Variants in AK7 observed in about 807,000 individuals in gnomAD.
AK7 encodes ATP-AMP transphosphorylase 7.
In AK7, 78 loss-of-function variants were observed where a neutral mutation model predicts 96.6. The observed-to-expected ratio is 0.81, with a 90% CI of 0.67 to 0.97. The LOEUF is 0.97. Ranked by LOEUF, AK7 falls within the 50% of genes least tolerant of loss-of-function variation. AK7 has a pLI of 0.00. For missense variants in AK7, 855 were observed against 887.9 expected (o/e 0.96, Z 0.47); for synonymous variants, 302 against 317.2 (o/e 0.95, Z 0.51).
chr14:96,478,617 G>T lies in AK7; in HGVS notation c.1708G>T (p.Val570Phe). Residue 570 changes from valine to phenylalanine, a missense_variant, in exon 15 of 18, where the codon GTC becomes TTC. By Grantham distance (50) the Val-to-Phe change is conservative. Coordinates refer to ENST00000267584, the MANE Select transcript of AK7 (RefSeq NM_152327.5). ...YRDINIDDETVFNYFDELEIH... is the reference protein window; with the variant it reads ...YRDINIDDETFFNYFDELEIH... ...GGACATCAATATCGACGATGAGACT[G>T]TCTTCAACTATTTTGATGAACTTGA... 2 of 1,614,150 alleles carry T rather than the reference G, an allele frequency of 1.2e-6. No homozygotes were observed. The highest frequency in any genetic ancestry group is 4.5e-5 in the East Asian group (2 of 44,878).
At chr14:96,431,173 C>T (rs369498797) in intron 5 of AK7, among the ~76,000 whole-genome samples, 60 of 152,062 alleles carry the variant, frequency 3.9e-4, no homozygotes, top group African/African-American at 1.3e-3. Flanking sequence ...ATCTTGCTAG[C>T]GGTCTATCTC....
At chr14:96,446,955 A>T (rs4905492) in intron 8 of AK7, among the ~76,000 whole-genome samples, 131,656 of 152,150 alleles carry the variant, frequency 0.87, 57,309 homozygotes, top group African/African-American at 0.96. Flanking sequence ...AATAAAAAAT[A>T]AAAAATTAAA....
chr14:96,448,210 A>G (rs1328413464), intron 8 of AK7, among the ~76,000 whole-genome samples: 5 of 151,966 alleles, frequency 3.3e-5, no homozygotes, highest in Non-Finnish European at 7.4e-5. Context: ...CCTGCACGCG[A>G]CAGGTGTCTC....
At position 96,407,047 on chromosome 14, in the gene AK7, T is replaced by C. The variant is rs1218238567; in HGVS notation, c.404-1800T>C. Among the ~76,000 whole-genome samples, 3 of 152,296 alleles carry C rather than the reference T, an allele frequency of 2.0e-5. No homozygotes were observed. The East Asian group carries it at 5.8e-4, about 29-fold the overall frequency. ...ATTCTCCTACCTTGCCTTTCGCAGA[T>C]ACTATGGAAGGAAGGCAAGATGACA... On this transcript the variant is annotated intron_variant, in intron 3 of 17. Transcript: ENST00000267584.
chr14:96,465,324 G>A (rs562865378), intron 12 of AK7, among the ~76,000 whole-genome samples: 212 of 152,184 alleles, frequency 1.4e-3, no homozygotes, highest in African/African-American at 4.6e-3. Flanking sequence ...TTAGCCGGGC[G>A]TGGTGGCGGG....
chr14:96,443,086 T>C (rs985221642), intron 7 of AK7, among the ~76,000 whole-genome samples: 2 of 152,220 alleles, frequency 1.3e-5, no homozygotes, highest in Admixed American at 1.3e-4. Context: ...CCCTCCAATT[T>C]TGGAAAAGAA....
At chr14:96,454,655 TA>T (rs145928763) in intron 10 of AK7, among the ~76,000 whole-genome samples, 84 of 142,274 alleles carry the variant, frequency 5.9e-4, no homozygotes, top group East Asian at 1.3e-3. Context: ...AGCCAATATT[TA>T]AAAAAAATTT....
chr14:96,408,648 G>A (rs775094668), intron 3 of AK7, among the ~76,000 whole-genome samples, 199 bp from the exon 4 acceptor site: 3 of 152,210 alleles, frequency 2.0e-5, no homozygotes, highest in Non-Finnish European at 4.4e-5. Context: ...TGAACAACCT[G>A]CTGGGATCCG....
At chr14:96,406,663 T>C (rs968874677) in intron 3 of AK7, among the ~76,000 whole-genome samples, 2 of 152,014 alleles carry the variant, frequency 1.3e-5, no homozygotes, top group Non-Finnish European at 2.9e-5. Context: ...TTAGATTTTG[T>C]TTTTCTCGCA....
chr14:96,458,969 A>AT (rs1894104719), intron 12 of AK7, among the ~76,000 whole-genome samples: 1 of 151,596 alleles, frequency 6.6e-6, no homozygotes, highest in Admixed American at 6.6e-5. Context: ...ACAAAAAAAA[A>AT]ATCCTTCATA....
chr14:96,424,103 T>G, intron 5 of AK7: 1 of 668,022 alleles, frequency 1.5e-6, no homozygotes. Context: ...TCGGGCACGG[T>G]GCTCCGCTCG....
rs1179630036 is a variant in AK7 at position 96,451,480 on chromosome 14, G to C, written c.1008G>C (p.Glu336Asp). Residue 336 changes from glutamate to aspartate, a missense_variant, in exon 10 of 18, where the codon GAG (glutamate) becomes GAC (aspartate). Physicochemically the swap from Glu to Asp is conservative, Grantham distance 45. Coordinates refer to ENST00000267584, the MANE Select transcript of AK7 (RefSeq NM_152327.5). ...NLRMEALFVK[E>D]NFNIRWAAQT... ...GAATGGAAGCGCTCTTTGTGAAGGAGAATTTTAATATTCGATGGGCTGCCC... is the reference window on the plus strand; with the variant it reads ...GAATGGAAGCGCTCTTTGTGAAGGACAATTTTAATATTCGATGGGCTGCCC... 1.4e-5 allele frequency: 23 copies of C among 1,599,328 alleles called. No individual in the cohort carries two copies. The highest frequency in any genetic ancestry group is 1.9e-5 in the Non-Finnish European group (22 of 1,171,930).
intron 14 of AK7, among the ~76,000 whole-genome samples, chr14:96,474,947 C>A (rs1185799456): frequency 6.6e-6 from 1 of 152,226 alleles, no homozygotes; most frequent in Non-Finnish European, 1.5e-5. Context: ...TGCAAGTCCA[C>A]TCACTAGTAA....
At chr14:96,418,248 C>T (rs1163988633) in intron 4 of AK7, among the ~76,000 whole-genome samples, 1 of 144,108 alleles carries the variant, frequency 6.9e-6, no homozygotes, top group Non-Finnish European at 1.5e-5. Context: ...CAGCTGTTCC[C>T]AGGAGGTTGA....
intron 9 of AK7, among the ~76,000 whole-genome samples, chr14:96,450,558 T>G (rs1306518742): frequency 1.4e-5 from 2 of 140,164 alleles, no homozygotes; most frequent in African/African-American, 2.7e-5. Context: ...GAGATTCCAA[T>G]TCCATCACAA....
intron 4 of AK7, among the ~76,000 whole-genome samples, chr14:96,418,558 G>A (rs1057378573): frequency 1.3e-5 from 2 of 151,716 alleles, no homozygotes; most frequent in African/African-American, 2.4e-5. Flanking sequence ...TTGCTCTGTC[G>A]CCCAAGCTGG....
rs374682249 is a variant in AK7, at chr14:96,392,253, C to A, written c.99C>A (p.Ile33=). The change falls in exon 1 of 18, where the codon ATC becomes ATA. Residue 33 remains isoleucine, a synonymous_variant. Transcript: ENST00000267584. Reference sequence around the variant, plus strand: ...TGGATTCCTACAGCAGCGGAAACATCGGGAAGGTGAGCGGCGGCGGCGGCC... The same window carrying A: ...TGGATTCCTACAGCAGCGGAAACATAGGGAAGGTGAGCGGCGGCGGCGGCC... The part of the protein sequence containing the change: ...NLLDSYSSGN[I]GKFLSNCVVG... 4.5e-5 allele frequency: 72 copies of A among 1,611,804 alleles called. 1 individual carries two copies. The highest frequency in any genetic ancestry group is 4.4e-4 in the African/African-American group (33 of 74,878).
intron 8 of AK7, among the ~76,000 whole-genome samples, chr14:96,448,171 T>C (rs1893354246): frequency 6.6e-6 from 1 of 151,648 alleles, no homozygotes; most frequent in Non-Finnish European, 1.5e-5. Context: ...TCTATCTTCC[T>C]GTGCACTCTC....
At chr14:96,427,255 CA>C (rs1015761513) in intron 5 of AK7, among the ~76,000 whole-genome samples, 7 of 151,156 alleles carry the variant, frequency 4.6e-5, no homozygotes, top group Middle Eastern at 3.2e-3. Flanking sequence ...CAAAAACAAA[CA>C]AAAAAAAATT....
Sources: allele counts gnomAD v4.1 joint callset (sites outside exome capture counted in the v4.1 genomes callset), GRCh38; gene constraint gnomAD v4.1.1; transcripts MANE v1.5; gene names NCBI Gene and HGNC (gene_info 2026-07-23, HGNC 2026-07-21).